EFCAB11: variants seen among roughly 807,000 people sequenced by gnomAD.
EFCAB11 encodes EF-hand calcium binding domain 11.
EFCAB11 carries 14 observed loss-of-function variants against 23.0 expected under a neutral mutation model. The ratio of observed to expected loss-of-function variants is 0.61; its 90% CI spans 0.40 to 0.95. The LOEUF (loss-of-function observed/expected upper bound fraction) is 0.95, where lower values mean the gene tolerates loss of function less well. EFCAB11 is among the 40% of genes least tolerant of loss of function. The pLI, the probability that EFCAB11 is intolerant of heterozygous loss-of-function variation, is 0.00. For synonymous variants in EFCAB11, 65 were observed against 66.6 expected (o/e 0.98, Z 0.11); for missense variants, 198 against 195.8 (o/e 1.01, Z -0.07).
intron 5 of EFCAB11, among the ~76,000 whole-genome samples, chr14:89,918,339 C>G (rs73322617): frequency 0.32 from 47,874 of 151,820 alleles, 11,517 homozygotes; most frequent in African/African-American, 0.67. Context: ...AGGAGTTCCA[C>G]ACCAGCCTGA....
chr14:89,854,548 G>T (rs1489901411), intron 5 of EFCAB11, among the ~76,000 whole-genome samples: 1 of 152,164 alleles, frequency 6.6e-6, no homozygotes, highest in African/African-American at 2.4e-5. Context: ...ACATGCCTAC[G>T]ATCCAGCTGT....
In EFCAB11 at chr14:89,948,954, T is replaced by C. The variant is rs969827409; in HGVS notation, c.217+1143A>G. ...GTAACTATAGTCAATAACAACTTAA[T>C]TGTACATTAAAAAATAACCAAAAGA... On this transcript the variant is annotated intron_variant, in intron 3 of 5. Coordinates refer to ENST00000316738, the MANE Select transcript of EFCAB11 (RefSeq NM_145231.4). Among the ~76,000 whole-genome samples the C allele has an allele frequency of 5.9e-5, 9 of 152,170 alleles. No individual in the cohort carries two copies. The East Asian group carries it at 1.2e-3, about 20-fold the overall frequency.
At chr14:89,810,810 C>A (rs1434701074) in intron 5 of EFCAB11, among the ~76,000 whole-genome samples, 1 of 150,912 alleles carries the variant, frequency 6.6e-6, no homozygotes, top group African/African-American at 2.4e-5. Flanking sequence ...ATTCACCAGG[C>A]AAACACTAAG....
At chr14:89,831,260 T>C (rs1163403093) in intron 5 of EFCAB11, 2 of 152,194 alleles carry the variant, frequency 1.3e-5, no homozygotes, top group Non-Finnish European at 2.9e-5. Flanking sequence ...TTAATTAAGA[T>C]GGCAGAAAAC....
chr14:89,934,703 T>C (rs1890518987), intron 3 of EFCAB11, among the ~76,000 whole-genome samples: 1 of 152,166 alleles, frequency 6.6e-6, no homozygotes, highest in South Asian at 2.1e-4. Context: ...TCTTATCTAA[T>C]TACCCTTGTG....
intron 2 of EFCAB11, 29 bp from the exon 3 acceptor site, chr14:89,950,171 T>C (rs753124183): frequency 1.3e-5 from 20 of 1,540,552 alleles, no homozygotes; most frequent in East Asian, 2.3e-5. Context: ...TAATAGAACA[T>C]GTAATTTTAT....
chr14:89,906,172 A>T (rs1208537342), intron 5 of EFCAB11, among the ~76,000 whole-genome samples: 1 of 145,068 alleles, frequency 6.9e-6, no homozygotes, highest in Non-Finnish European at 1.5e-5. Flanking sequence ...TTAGAGCACT[A>T]AAATAAATAA....
intron 5 of EFCAB11, among the ~76,000 whole-genome samples, chr14:89,894,471 G>A (rs1889098187): frequency 7.7e-6 from 1 of 129,196 alleles, no homozygotes; most frequent in Non-Finnish European, 1.5e-5. Context: ...TCCCCTCCCT[G>A]TGTCCATGTG....
intron 5 of EFCAB11, among the ~76,000 whole-genome samples, chr14:89,897,543 C>A (rs538170906): frequency 6.6e-6 from 1 of 152,230 alleles, no homozygotes; most frequent in African/African-American, 2.4e-5. Flanking sequence ...ATAATAAACA[C>A]TCACTTCAGG....
intron 3 of EFCAB11, among the ~76,000 whole-genome samples, chr14:89,943,813 G>C (rs1016061206): frequency 6.6e-6 from 1 of 151,916 alleles, no homozygotes; most frequent in Non-Finnish European, 1.5e-5. Flanking sequence ...TTGTGGTCTT[G>C]AGTTTCTCCA....
intron 5 of EFCAB11, among the ~76,000 whole-genome samples, chr14:89,852,640 G>A (rs1456636410): frequency 2.0e-5 from 3 of 151,972 alleles, no homozygotes; most frequent in African/African-American, 7.3e-5. Context: ...AAAACTTAAC[G>A]ACCACTGGGA....
At chr14:89,807,381 C>A (rs570162073) in intron 5 of EFCAB11, among the ~76,000 whole-genome samples, 2 of 152,288 alleles carry the variant, frequency 1.3e-5, no homozygotes, top group African/African-American at 4.8e-5. Context: ...AAGTTCATCT[C>A]CTTGACTGGA....
At chr14:89,865,981 T>C (rs535012309) in intron 5 of EFCAB11, among the ~76,000 whole-genome samples, 1 of 151,726 alleles carries the variant, frequency 6.6e-6, no homozygotes, top group South Asian at 2.1e-4. Flanking sequence ...GATAGGGTTT[T>C]GCCATGTTGC....
rs145987748 is a variant in EFCAB11 at position 89,859,213 on chromosome 14, C to T, written c.411-61889G>A. 2.0e-5 allele frequency among the ~76,000 whole-genome samples: 3 copies of T among 152,192 alleles called. No individual in the cohort carries two copies. In the East Asian group the frequency reaches 5.8e-4, roughly 29 times the overall value. On this transcript the variant is annotated intron_variant, in intron 5 of 5. Coordinates refer to ENST00000316738, the MANE Select transcript of EFCAB11 (RefSeq NM_145231.4). Reference sequence around the variant, plus strand: ...TAATTTCACTTATTTAAAACTATAACTTGGTATGGGTAATGTGAATTAGTC... The same window carrying T: ...TAATTTCACTTATTTAAAACTATAATTTGGTATGGGTAATGTGAATTAGTC...
In EFCAB11 at chr14:89,892,404, C is replaced by T. The variant is rs1281115771; in HGVS notation, c.410+39137G>A. On this transcript the variant is annotated intron_variant, in intron 5 of 5. Coordinates refer to ENST00000316738, the MANE Select transcript of EFCAB11 (RefSeq NM_145231.4). The stretch of plus-strand genomic sequence containing the variant: ...ATCCACAAGACCCAAATCCCCAGGT[C>T]CCCCAGCAGGAAGCAGCACCCAGGC... The T allele has an allele frequency of 4.5e-5, 72 of 1,590,730 alleles. 3 individuals carry two copies. The South Asian group carries it at 6.2e-4, about 14-fold the overall frequency.
chr14:89,866,997 C>T (rs912104936), intron 5 of EFCAB11, among the ~76,000 whole-genome samples: 1 of 152,140 alleles, frequency 6.6e-6, no homozygotes, highest in African/African-American at 2.4e-5. Context: ...TCTCCAACTC[C>T]TGACCTCAAG....
chr14:89,936,247 A>C (rs1304666972), intron 3 of EFCAB11, among the ~76,000 whole-genome samples: 1 of 152,226 alleles, frequency 6.6e-6, no homozygotes, highest in African/African-American at 2.4e-5. Context: ...AAAAAAGCAC[A>C]ATTCCTGGTT....
intron 5 of EFCAB11, among the ~76,000 whole-genome samples, chr14:89,911,259 C>T (rs1889666661): frequency 6.6e-6 from 1 of 152,192 alleles, no homozygotes; most frequent in Non-Finnish European, 1.5e-5. Context: ...TTGCCGTGTG[C>T]CCTGGAGAAC....
intron 5 of EFCAB11, among the ~76,000 whole-genome samples, chr14:89,901,004 A>G (rs1181791167): frequency 6.6e-6 from 1 of 152,226 alleles, no homozygotes; most frequent in African/African-American, 2.4e-5. Flanking sequence ...AATAGTCTAC[A>G]TTATTTCCTG....
Sources: gnomAD v4.1 joint callset for allele counts (sites outside exome capture counted in the v4.1 genomes callset) on GRCh38, gnomAD v4.1.1 for gene constraint, MANE v1.5 for transcripts, NCBI Gene and HGNC (gene_info 2026-07-23, HGNC 2026-07-21) for gene names.